METTL21A: variants seen among roughly 807,000 people sequenced by gnomAD.
The protein encoded by METTL21A is protein N-lysine methyltransferase METTL21A.
In METTL21A, 22 loss-of-function variants were observed where a neutral mutation model predicts 20.9. That is an observed-to-expected ratio of 1.05 (90% CI 0.75 to 1.50). The LOEUF (loss-of-function observed/expected upper bound fraction) is 1.50, where lower values mean the gene tolerates loss of function less well. Among genes scored for constraint, METTL21A ranks in the 40% most tolerant of loss-of-function variants. The pLI, the probability that METTL21A is intolerant of heterozygous loss-of-function variation, is 0.00. For missense variants in METTL21A, 271 were observed against 266.8 expected (o/e 1.02, Z -0.11); for synonymous variants, 93 against 102.0 (o/e 0.91, Z 0.53).
chr2:207,618,902 G>GA (rs1332281110), intron 3 of METTL21A, among the ~76,000 whole-genome samples: 2 of 152,106 alleles, frequency 1.3e-5, no homozygotes, highest in East Asian at 3.9e-4. Flanking sequence ...TTCAAACTAA[G>GA]AACGAGGATT....
downstream of METTL21A, among the ~76,000 whole-genome samples, chr2:207,607,867 A>C (rs1204238191): frequency 6.6e-6 from 1 of 151,864 alleles, no homozygotes; most frequent in Non-Finnish European, 1.5e-5. Flanking sequence ...AAGCACACTT[A>C]AAATGTACAT....
intron 3 of METTL21A, among the ~76,000 whole-genome samples, chr2:207,590,446 T>C (rs978477559): frequency 2.0e-5 from 3 of 151,996 alleles, no homozygotes; most frequent in Non-Finnish European, 2.9e-5. Context: ...TCCTTAGAAT[T>C]GTATTGATTT....
At chr2:207,618,456 C>T (rs1045593127) in intron 3 of METTL21A, among the ~76,000 whole-genome samples, 13 of 152,026 alleles carry the variant, frequency 8.6e-5, no homozygotes, top group Non-Finnish European at 2.9e-5. Flanking sequence ...TAACAATATA[C>T]CATAATAAAA....
rs568758731 is a variant in METTL21A at position 207,616,756 on chromosome 2, G to C, written c.260-3313C>G. 4.4e-4 allele frequency among the ~76,000 whole-genome samples: 67 copies of C among 152,258 alleles called. 1 individual carries two copies. In the South Asian group the frequency reaches 0.013, roughly 31 times the overall value. The stretch of plus-strand genomic sequence containing the variant: ...AGCTACTCAAGAGGCTGAGGCAGGA[G>C]AATCGCTTGAACCCGGGAGGCAGAG... On this transcript the variant is annotated intron_variant, in intron 3 of 3. Transcript: ENST00000406927.
chr2:207,600,326 T>C (rs1314296513), intron 3 of METTL21A: 1 of 180,356 alleles, frequency 5.5e-6, no homozygotes, highest in Non-Finnish European at 1.2e-5. Flanking sequence ...TATTATAGTA[T>C]ATTGAGGTCA....
intron 3 of METTL21A, among the ~76,000 whole-genome samples, chr2:207,585,226 T>A (rs1462410238): frequency 6.6e-6 from 1 of 152,198 alleles, no homozygotes; most frequent in Non-Finnish European, 1.5e-5. Flanking sequence ...GCCAACCTGA[T>A]GTCCCCATCC....
intron 3 of METTL21A, among the ~76,000 whole-genome samples, chr2:207,586,489 C>T (rs2083864041): frequency 6.6e-6 from 1 of 152,174 alleles, no homozygotes; most frequent in South Asian, 2.1e-4. Context: ...GGAAATGCTT[C>T]CTGACATTAG....
intron 3 of METTL21A, among the ~76,000 whole-genome samples, chr2:207,585,693 A>G (rs1463782263): frequency 2.0e-5 from 3 of 152,238 alleles, no homozygotes; most frequent in South Asian, 2.1e-4. Context: ...CAGGAAAACA[A>G]TTCATGATCT....
chr2:207,595,028 G>A (rs1216816318), intron 3 of METTL21A, among the ~76,000 whole-genome samples: 3 of 140,614 alleles, frequency 2.1e-5, no homozygotes, highest in Non-Finnish European at 3.0e-5. Flanking sequence ...ATGGAGGCTC[G>A]CTCTGTTGCC....
Position 207,614,392 on chromosome 2 carries a change from A to AGG in METTL21A, c.260-950_260-949insCC, listed in dbSNP as rs1414377589. ...CAACACCCAGTCTCAAAAAAAAAAA[A>AGG]AATATCTGGGAGCAGACTATTATTG... On this transcript the variant is annotated intron_variant, in intron 3 of 3. Transcript: ENST00000406927. Among the ~76,000 whole-genome samples, 858 of 151,100 alleles carry AGG rather than the reference A, an allele frequency of 5.7e-3. 3 individuals are homozygous for AGG. Among genetic ancestry groups the AGG allele is most frequent in the Non-Finnish European group, 8.8e-3 (593 of 67,708 alleles).
chr2:207,614,980 C>T (rs2089495883), intron 3 of METTL21A, among the ~76,000 whole-genome samples: 1 of 152,174 alleles, frequency 6.6e-6, no homozygotes. Flanking sequence ...GCAGCTGATA[C>T]TCAGTGTTTC....
intron 3 of METTL21A, among the ~76,000 whole-genome samples, chr2:207,587,468 C>T (rs2084089108): frequency 6.6e-6 from 1 of 151,576 alleles, no homozygotes; most frequent in South Asian, 2.1e-4. Context: ...AATCCTACTA[C>T]TGGGTATCTA....
chr2:207,624,362 G>C lies in METTL21A; in HGVS notation c.14C>G (p.Pro5Arg), dbSNP rs766836689. Residue 5 changes from proline (P) to arginine (R), a missense_variant, in exon 2 of 4, where the codon CCC becomes CGC. By Grantham distance (103) the Pro-to-Arg change is moderately radical. Transcript: ENST00000406927. ...CCCAAATTCCGTGGTCTCCTCATAG[G>C]GCACGAGGGCCATTCCGCCTGCACC... 4 of 1,613,176 alleles carry C rather than the reference G, an allele frequency of 2.5e-6. No homozygotes were observed. In the African/African-American group the frequency reaches 5.3e-5, roughly 22 times the overall value.
At chr2:207,587,176 A>G (rs1408640113) in intron 3 of METTL21A, among the ~76,000 whole-genome samples, 2 of 152,070 alleles carry the variant, frequency 1.3e-5, no homozygotes, top group Admixed American at 6.6e-5. Context: ...GGTGGATCAC[A>G]AGGTCAGGAG....
chr2:207,618,983 C>T (rs2090141639), intron 3 of METTL21A, among the ~76,000 whole-genome samples: 1 of 152,100 alleles, frequency 6.6e-6, no homozygotes, highest in South Asian at 2.1e-4. Context: ...GTTACTTACC[C>T]TCCAAGAAGC....
At chr2:207,618,445 A>T (rs374963595) in intron 3 of METTL21A, among the ~76,000 whole-genome samples, 3 of 152,226 alleles carry the variant, frequency 2.0e-5, no homozygotes, top group African/African-American at 7.2e-5. Flanking sequence ...CAAGATAATT[A>T]TAACAATATA....
At chr2:207,604,359 C>T (rs1247009340), downstream of METTL21A, among the ~76,000 whole-genome samples, 1 of 152,208 alleles carries the variant, frequency 6.6e-6, no homozygotes, top group Non-Finnish European at 1.5e-5. Context: ...CCAAATCTTC[C>T]TTCCGCTGGT....
downstream of METTL21A, among the ~76,000 whole-genome samples, chr2:207,604,562 T>C (rs2087746633): frequency 1.3e-5 from 2 of 152,224 alleles, no homozygotes; most frequent in African/African-American, 2.4e-5. Context: ...AAAGGAAGGA[T>C]AATGTCCAGG....
intron 3 of METTL21A, among the ~76,000 whole-genome samples, chr2:207,615,435 C>A (rs1308501525): frequency 6.6e-6 from 1 of 151,460 alleles, no homozygotes; most frequent in African/African-American, 2.4e-5. Context: ...TGGTGGCTCA[C>A]GCCTGTAATC....
Sources: allele counts gnomAD v4.1 joint callset (sites outside exome capture counted in the v4.1 genomes callset), GRCh38; gene constraint gnomAD v4.1.1; transcripts MANE v1.5; gene names NCBI Gene and HGNC (gene_info 2026-07-23, HGNC 2026-07-21).